Variants in KCNMA1 observed in about 807,000 individuals in gnomAD.
KCNMA1 encodes potassium calcium-activated channel subfamily M alpha 1.
Under a neutral mutation model 140.0 loss-of-function variants are expected in KCNMA1, and 29 were observed. The ratio of observed to expected loss-of-function variants is 0.21; its 90% confidence interval spans 0.15 to 0.28. KCNMA1 has a LOEUF of 0.28. Among genes scored for constraint, KCNMA1 ranks in the 10% least tolerant of loss-of-function variants. The pLI, the probability that KCNMA1 is intolerant of heterozygous loss-of-function variation, is 1.00. For missense variants in KCNMA1, 880 were observed against 1,602.2 expected, an observed-to-expected ratio of 0.55 and a Z score of 7.70; for synonymous variants, 612 against 611.9, an observed-to-expected ratio of 1.00 and a Z score of 0.00.
intron 23 of KCNMA1, among the ~76,000 whole-genome samples, chr10:76,926,216 AC>A (rs2057643433): frequency 6.6e-6 from 1 of 152,102 alleles, no homozygotes; most frequent in Non-Finnish European, 1.5e-5. Flanking sequence ...TTTGACCACT[AC>A]CTGAAATAAG....
At chr10:77,070,812 G>C (rs919204286) in intron 14 of KCNMA1, among the ~76,000 whole-genome samples, 1 of 152,144 alleles carries the variant, frequency 6.6e-6, no homozygotes, top group Non-Finnish European at 1.5e-5. Context: ...GGGATTTGGA[G>C]GTAAGTACAC....
chr10:76,925,726 T>C (rs2057470988), intron 23 of KCNMA1, among the ~76,000 whole-genome samples: 1 of 152,166 alleles, frequency 6.6e-6, no homozygotes. Context: ...AAATACCAAA[T>C]GCCAAATGGG....
intron 1 of KCNMA1, among the ~76,000 whole-genome samples, chr10:77,502,511 T>G (rs561947804): frequency 6.6e-5 from 10 of 152,268 alleles, no homozygotes; most frequent in South Asian, 2.1e-4. Flanking sequence ...CTGGATACTC[T>G]AGAGAAATCA....
intron 5 of KCNMA1, among the ~76,000 whole-genome samples, chr10:77,121,532 A>G (rs1422453736): frequency 6.6e-6 from 1 of 151,952 alleles, no homozygotes; most frequent in Non-Finnish European, 1.5e-5. Context: ...TACAGCCCAC[A>G]GTGTTATCTG....
intron 1 of KCNMA1, among the ~76,000 whole-genome samples, chr10:77,590,206 C>G (rs1466279483): frequency 6.6e-6 from 1 of 152,262 alleles, no homozygotes. Context: ...ACTCAGGAGC[C>G]CAGCTGGCTT....
intron 19 of KCNMA1, among the ~76,000 whole-genome samples, chr10:76,971,540 G>A (rs1049855585): frequency 2.6e-5 from 4 of 152,118 alleles, no homozygotes; most frequent in African/African-American, 9.7e-5. Context: ...GGCTGATGCA[G>A]GAAAAGGGAA....
At chr10:77,239,411 A>G (rs2056618936) in intron 3 of KCNMA1, among the ~76,000 whole-genome samples, 4 of 152,192 alleles carry the variant, frequency 2.6e-5, no homozygotes, top group Admixed American at 2.6e-4. Context: ...TGGAAATTCC[A>G]GCTCTCAAAT....
chr10:77,582,163 C>T (rs1296436277), intron 1 of KCNMA1, among the ~76,000 whole-genome samples: 3 of 152,310 alleles, frequency 2.0e-5, no homozygotes, highest in South Asian at 4.1e-4. Context: ...CGAAGGTCAA[C>T]GACATCATCA....
At chr10:77,223,890 A>G (rs1599183075) in intron 3 of KCNMA1, among the ~76,000 whole-genome samples, 2 of 152,184 alleles carry the variant, frequency 1.3e-5, no homozygotes, top group African/African-American at 4.8e-5. Flanking sequence ...GGAAGCCTTC[A>G]TGACTTAAAA....
intron 5 of KCNMA1, among the ~76,000 whole-genome samples, chr10:77,165,327 T>C (rs1470316884): frequency 6.6e-6 from 1 of 152,172 alleles, no homozygotes; most frequent in Non-Finnish European, 1.5e-5. Flanking sequence ...TCTGACACAT[T>C]GAAGTACACA....
At chr10:76,986,384 A>C (rs193102906) in intron 19 of KCNMA1, among the ~76,000 whole-genome samples, 2 of 152,344 alleles carry the variant, frequency 1.3e-5, no homozygotes, top group Admixed American at 1.3e-4. Flanking sequence ...ACCAAATGTC[A>C]CAATGCTTGC....
chr10:77,591,577 A>G (rs1567743631), intron 1 of KCNMA1, among the ~76,000 whole-genome samples: 1 of 152,136 alleles, frequency 6.6e-6, no homozygotes, highest in Admixed American at 6.5e-5. Flanking sequence ...GGACCCAGCA[A>G]TTGGTGTTTT....
chr10:77,596,798 A>C (rs1401319499), intron 1 of KCNMA1, among the ~76,000 whole-genome samples: 1 of 152,192 alleles, frequency 6.6e-6, no homozygotes, highest in African/African-American at 2.4e-5. Flanking sequence ...CATCAAATAC[A>C]AGCTCCAAAA....
In KCNMA1 at chr10:77,536,317, G is replaced by A. The variant is rs191588678; in HGVS notation, c.378+100948C>T. On this transcript the variant is annotated intron_variant, in intron 1 of 27. Coordinates refer to ENST00000286628, the MANE Select transcript of KCNMA1 (RefSeq NM_001161352.2). Reference sequence around the variant, plus strand: ...TTGAGGCCACAGTTCCTGGCATCTCGGAGCAGGAGGACGCCAGCATCCTTC... The same window carrying A: ...TTGAGGCCACAGTTCCTGGCATCTCAGAGCAGGAGGACGCCAGCATCCTTC... 2.0e-4 allele frequency among the ~76,000 whole-genome samples: 31 copies of A among 152,314 alleles called. No individual in the cohort carries two copies. The East Asian group carries it at 2.1e-3, about 10-fold the overall frequency.
At chr10:77,175,695 G>A (rs1447743943) in intron 5 of KCNMA1, among the ~76,000 whole-genome samples, 1 of 152,194 alleles carries the variant, frequency 6.6e-6, no homozygotes, top group Non-Finnish European at 1.5e-5. Context: ...TGGAGTCAGA[G>A]CTGTGCCTTA....
intron 3 of KCNMA1, among the ~76,000 whole-genome samples, chr10:77,223,670 C>T (rs570951792): frequency 1.3e-5 from 2 of 152,230 alleles, no homozygotes; most frequent in Admixed American, 1.3e-4. Flanking sequence ...GATTGGCATG[C>T]CTTTTTTCCT....
At chr10:77,296,062 CT>C (rs1401005366) in intron 2 of KCNMA1, among the ~76,000 whole-genome samples, 1 of 152,034 alleles carries the variant, frequency 6.6e-6, no homozygotes, top group Non-Finnish European at 1.5e-5. Context: ...ATGCCAGTAT[CT>C]TAATCCCAAG....
At position 76,908,604 on chromosome 10, in the gene KCNMA1, T is replaced by C. The variant is rs558768791; in HGVS notation, c.3147+1362A>G. 2.0e-5 allele frequency among the ~76,000 whole-genome samples: 3 copies of C among 152,346 alleles called. No homozygotes were observed. In the South Asian group the frequency reaches 6.2e-4, roughly 32 times the overall value. The stretch of plus-strand genomic sequence containing the variant: ...GGATTAGCATTATTTAATGAATAGA[T>C]GAGACCAGTACATAATTAGCATATC... On this transcript the variant is annotated intron_variant, in intron 25 of 27. Coordinates refer to ENST00000286628, the MANE Select transcript of KCNMA1 (RefSeq NM_001161352.2).
chr10:77,026,838 T>C (rs188751761), intron 16 of KCNMA1, among the ~76,000 whole-genome samples: 32 of 152,316 alleles, frequency 2.1e-4, no homozygotes, highest in Non-Finnish European at 3.7e-4. Context: ...AGTCTGGCTG[T>C]ATTGGGTTAT....
Sources: gnomAD v4.1 joint callset for allele counts (sites outside exome capture counted in the v4.1 genomes callset) on GRCh38, gnomAD v4.1.1 for gene constraint, MANE v1.5 for transcripts, NCBI Gene and HGNC (gene_info 2026-07-23, HGNC 2026-07-21) for gene names.